Variants in ERLIN1 observed in about 807,000 individuals in gnomAD.
ERLIN1 encodes the protein ER lipid raft associated 1, also known as erlin-1.
Under a neutral mutation model 46.9 loss-of-function variants are expected in ERLIN1, and 24 were observed. The observed-to-expected ratio is 0.51, with a 90% CI of 0.37 to 0.72. ERLIN1 has a LOEUF of 0.72. Ranked by LOEUF, ERLIN1 falls within the 30% of genes least tolerant of loss-of-function variation. The pLI is 0.00. For missense variants in ERLIN1, 293 were observed against 417.9 expected (o/e 0.70, Z 2.61); for synonymous variants, 158 against 143.2 (o/e 1.10, Z -0.74).
chr10:100,183,255 G>A (rs17112721), intron 2 of ERLIN1, among the ~76,000 whole-genome samples: 4,102 of 152,134 alleles, frequency 0.027, 78 homozygotes, highest in Middle Eastern at 0.054. Flanking sequence ...CAAATATCCC[G>A]GGATGCCATC....
At chr10:100,152,895 G>A (rs541972758) in intron 10 of ERLIN1, among the ~76,000 whole-genome samples, 44 of 151,968 alleles carry the variant, frequency 2.9e-4, no homozygotes, top group South Asian at 1.9e-3. Flanking sequence ...CTGTTGCCCA[G>A]GCTGGAATAC....
chr10:100,159,816 GACTTAA>G (rs1330232395), intron 8 of ERLIN1, among the ~76,000 whole-genome samples: 3 of 139,616 alleles, frequency 2.1e-5, no homozygotes, highest in East Asian at 2.1e-4. Context: ...CACTAGAAAA[GACTTAA>G]ACTTAACTAT....
Position 100,156,188 on chromosome 10 carries a change from T to C in ERLIN1, c.702A>G (p.Lys234=), listed in dbSNP as rs769104834. 1.2e-6 allele frequency: 2 copies of C among 1,613,602 alleles called. No homozygotes were observed. Among genetic ancestry groups the C allele is most frequent in the Non-Finnish European group, 1.7e-6 (2 of 1,179,600 alleles). The change falls in exon 9 of 11, where the codon AAA becomes AAG. Residue 234 remains lysine (K), a synonymous_variant. Coordinates refer to ENST00000421367, the MANE Select transcript of ERLIN1 (RefSeq NM_006459.4). ...AQVAKIRFQQ[K]VMEKETEKRI... ...GCTTTTCAGTTTCTTTTTCCATCAC[T>C]TTCTGCTGAAACCGAATTTTTGCCA...
At chr10:100,178,449 C>A (rs1844446175) in intron 3 of ERLIN1, among the ~76,000 whole-genome samples, 1 of 152,174 alleles carries the variant, frequency 6.6e-6, no homozygotes, top group South Asian at 2.1e-4. Flanking sequence ...CAATTCAATG[C>A]AGTGATTATA....
chr10:100,162,749 A>G lies in ERLIN1; in HGVS notation c.655+1255T>C, dbSNP rs141116276. On this transcript the variant is annotated intron_variant, in intron 8 of 10. Coordinates refer to ENST00000421367, the MANE Select transcript of ERLIN1 (RefSeq NM_006459.4). ...TGATTTTTTATTTTTGATTCAACAG[A>G]CATAAAACTGCTGTATTAAAATGCT... Among the ~76,000 whole-genome samples the G allele has an allele frequency of 1.0e-3, 152 of 152,342 alleles. 1 individual carries two copies. The highest frequency in any genetic ancestry group is 2.0e-3 in the Non-Finnish European group (135 of 68,024).
rs748067605 is a variant in ERLIN1 at position 100,185,594 on chromosome 10, A to G, written c.33T>C (p.Ala11=). Residue 11 remains alanine, a synonymous_variant, in exon 1 of 11, where the codon GCT becomes GCC. Transcript: ENST00000421367. ...GGACAGCCACCAACCCCACCACTGC[A>G]GCCACCAGAACCCGGGCTTGAGTCA... The part of the protein sequence containing the change: MNMTQARVLV[A]AVVGLVAVLL... The G allele has an allele frequency of 6.2e-7, 1 of 1,614,040 alleles. No homozygotes were observed. Among genetic ancestry groups the G allele is most frequent in the Non-Finnish European group, 8.5e-7 (1 of 1,179,884 alleles).
At position 100,155,292 on chromosome 10, in the gene ERLIN1, GC is replaced by G. The variant is rs772384859; in HGVS notation, c.746-354del. Among the ~76,000 whole-genome samples, 272 of 149,880 alleles carry G rather than the reference GC, an allele frequency of 1.8e-3. 2 individuals carry two copies. The highest frequency in any genetic ancestry group is 0.01 in the Middle Eastern group (3 of 292). ...AGCTCTATTTACTGCATTGTCTCCA[GC>G]CCCCCCCCAAATTTCATCCAGAATC... On this transcript the variant is annotated intron_variant, in intron 9 of 10. Coordinates refer to ENST00000421367, the MANE Select transcript of ERLIN1 (RefSeq NM_006459.4).
chr10:100,158,636 A>G (rs1462035303), intron 8 of ERLIN1, among the ~76,000 whole-genome samples: 1 of 152,238 alleles, frequency 6.6e-6, no homozygotes, highest in Non-Finnish European at 1.5e-5. Flanking sequence ...GTAAGGATTA[A>G]TCATAATGAT....
intron 3 of ERLIN1, 42 bp downstream of exon 3, chr10:100,179,155 CTCTG>C (rs764317054): frequency 1.8e-5 from 27 of 1,462,640 alleles, no homozygotes; most frequent in Middle Eastern, 1.7e-4. Flanking sequence ...GGAACAGAAA[CTCTG>C]TCTGAGCTAA....
intron 7 of ERLIN1, among the ~76,000 whole-genome samples, chr10:100,166,089 T>C (rs1444460795): frequency 1.3e-5 from 2 of 152,188 alleles, no homozygotes; most frequent in Non-Finnish European, 2.9e-5. Flanking sequence ...GTCTACATTT[T>C]ATACTTTTAA....
In ERLIN1 at chr10:100,152,086, C is replaced by T; in HGVS notation, c.*45G>A. On this transcript the variant is annotated 3_prime_UTR_variant, in exon 11 of 11. Transcript: ENST00000421367. ...CGTATAATGATTGTTCCCACTTAACCCCTTGGGCCACATCTTGATATGGAG... is the reference window on the plus strand; with the variant it reads ...CGTATAATGATTGTTCCCACTTAACTCCTTGGGCCACATCTTGATATGGAG... The T allele has an allele frequency of 1.7e-6, 2 of 1,209,028 alleles. No homozygotes were observed. The highest frequency in any genetic ancestry group is 2.5e-6 in the Non-Finnish European group (2 of 812,234). The allele number at this position is 1,209,028 out of a possible 1,614,324, so 74.9% of individuals were successfully genotyped here. A position where few individuals can be genotyped will look rare whatever the true frequency, so the allele number is the denominator to read the frequency against.
At chr10:100,163,550 G>A (rs975750295) in intron 8 of ERLIN1, among the ~76,000 whole-genome samples, 3 of 152,100 alleles carry the variant, frequency 2.0e-5, no homozygotes, top group African/African-American at 7.2e-5. Context: ...GGAGTATAAG[G>A]GAAGCCACTG....
At chr10:100,185,315 C>T (rs1163530148) in intron 1 of ERLIN1, among the ~76,000 whole-genome samples, 199 bp downstream of exon 1, 2 of 152,168 alleles carry the variant, frequency 1.3e-5, no homozygotes, top group Admixed American at 6.5e-5. Flanking sequence ...GACTTAATCT[C>T]TGCAACAAAA....
intron 1 of ERLIN1, among the ~76,000 whole-genome samples, chr10:100,184,644 C>T (rs1176919812): frequency 6.6e-6 from 1 of 152,198 alleles, no homozygotes; most frequent in Admixed American, 6.5e-5. Context: ...AATGTCCTTT[C>T]TCTGGTTTTA....
chr10:100,173,547 T>G (rs2134156749), intron 6 of ERLIN1, among the ~76,000 whole-genome samples: 1 of 152,258 alleles, frequency 6.6e-6, no homozygotes, highest in South Asian at 2.1e-4. Flanking sequence ...GAAAACACAG[T>G]GACCCAAAAA....
intron 8 of ERLIN1, among the ~76,000 whole-genome samples, chr10:100,161,639 GAGAA>G (rs1190442169): frequency 1.3e-5 from 2 of 152,060 alleles, no homozygotes; most frequent in Non-Finnish European, 2.9e-5. Context: ...TAACAGGTAA[GAGAA>G]ATAGTTACAC....
At chr10:100,156,256 A>C (rs751434242) in intron 8 of ERLIN1, 22 bp from the exon 9 acceptor site, 11 of 1,536,534 alleles carry the variant, frequency 7.2e-6, no homozygotes, top group Non-Finnish European at 9.9e-6. Context: ...CAACATAAGA[A>C]GACACATTCA....
chr10:100,153,198 G>A lies in ERLIN1; in HGVS notation c.826-846C>T, dbSNP rs545997905. Among the ~76,000 whole-genome samples the A allele has an allele frequency of 5.3e-5, 8 of 152,328 alleles. No individual in the cohort carries two copies. The South Asian group carries it at 1.4e-3, about 28-fold the overall frequency. ...TTCTGCCTTTCCCCAGAAGCTGGATGTTTAAGCTGCTTGTGACAGACAGAT... is the reference window on the plus strand; with the variant it reads ...TTCTGCCTTTCCCCAGAAGCTGGATATTTAAGCTGCTTGTGACAGACAGAT... On this transcript the variant is annotated intron_variant, in intron 10 of 10. Coordinates refer to ENST00000421367, the MANE Select transcript of ERLIN1 (RefSeq NM_006459.4).
chr10:100,173,140 C>T (rs1435149212), intron 6 of ERLIN1, among the ~76,000 whole-genome samples: 2 of 152,308 alleles, frequency 1.3e-5, no homozygotes, highest in African/African-American at 4.8e-5. Context: ...CGAACACATA[C>T]AATCACAGTG....
Sources: allele counts gnomAD v4.1 joint callset (sites outside exome capture counted in the v4.1 genomes callset), GRCh38; gene constraint gnomAD v4.1.1; transcripts MANE v1.5; gene names NCBI Gene and HGNC (gene_info 2026-07-23, HGNC 2026-07-21).